The following NRXN1 variants were observed in gnomAD, a reference collection of about 807,000 sequenced individuals.
NRXN1 encodes neurexin 1.
In NRXN1, 39 loss-of-function variants were observed where a neutral mutation model predicts 150.9. The ratio of observed to expected loss-of-function variants is 0.26; its 90% CI spans 0.20 to 0.34. NRXN1 has a LOEUF of 0.34. Ranked by LOEUF, NRXN1 falls within the 10% of genes least tolerant of loss-of-function variation. The pLI is 1.00. For missense variants in NRXN1, 1,815 were observed against 1,949.9 expected (o/e 0.93, Z 1.30); for synonymous variants, 924 against 757.0 (o/e 1.22, Z -3.62).
At chr2:50,537,510 C>G (rs2093289832) in intron 10 of NRXN1, among the ~76,000 whole-genome samples, 1 of 151,904 alleles carries the variant, frequency 6.6e-6, no homozygotes. Context: ...ATCCTCATTC[C>G]TTTTATTGTA....
At chr2:49,942,654 G>A (rs993622168) in intron 22 of NRXN1, among the ~76,000 whole-genome samples, 2 of 151,590 alleles carry the variant, frequency 1.3e-5, no homozygotes, top group African/African-American at 4.8e-5. Flanking sequence ...CTGTCACCCA[G>A]GCTGAAGTGC....
intron 21 of NRXN1, among the ~76,000 whole-genome samples, chr2:50,005,698 T>G (rs922627168): frequency 9.2e-5 from 14 of 152,156 alleles, no homozygotes; most frequent in African/African-American, 2.9e-4. Context: ...TATAGAGTTT[T>G]TAATATTCTC....
chr2:50,445,877 C>G (rs895752913), intron 17 of NRXN1, among the ~76,000 whole-genome samples: 11 of 152,152 alleles, frequency 7.2e-5, no homozygotes, highest in African/African-American at 2.7e-4. Context: ...ATCCCCTACT[C>G]TTTGTCCATT....
chr2:50,019,947 C>CAA lies in NRXN1; in HGVS notation c.4128+33322_4128+33323dup, dbSNP rs1161865745. ...TGGGTGACAAAGCAAGACTCCGTCT[C>CAA]AAAAAAAAAAAAAAAAAAAAAAAAA... On this transcript the variant is annotated intron_variant, in intron 21 of 22. Transcript: ENST00000401669. 2.2e-3 allele frequency among the ~76,000 whole-genome samples: 94 copies of CAA among 43,206 alleles called. 4 individuals carry two copies. Among genetic ancestry groups the CAA allele is most frequent in the African/African-American group, 2.5e-3 (34 of 13,450 alleles). 28.3% of individuals were successfully genotyped at this position (43,206 alleles called of 152,430 possible).
rs1195873964 is a variant in NRXN1 at position 50,347,472 on chromosome 2, C to T, written c.3365-110502G>A. On this transcript the variant is annotated intron_variant, in intron 17 of 22. Coordinates refer to ENST00000401669, the MANE Select transcript of NRXN1 (RefSeq NM_001330078.2). This position sits in a 1 kb window ranked among gnomAD's most constrained non-coding sequence, Gnocchi z 4.9. ...CCTCCTTTCAAGACAGAAGCAGACC[C>T]CATGGAATCCAGGCGCCCCTTCCCT... 1 of 1,078,500 alleles carries T rather than the reference C, an allele frequency of 9.3e-7. No homozygotes were observed. The highest frequency in any genetic ancestry group is 1.1e-6 in the Non-Finnish European group (1 of 884,170). The allele number at this position is 1,078,500 out of a possible 1,614,324, so 66.8% of individuals were successfully genotyped here.
chr2:50,931,031 T>C (rs1170488027), intron 2 of NRXN1, among the ~76,000 whole-genome samples: 2 of 152,170 alleles, frequency 1.3e-5, no homozygotes, highest in Non-Finnish European at 2.9e-5. Context: ...CTAGTGGTTA[T>C]GTGGTTTTGA....
chr2:50,566,686 C>T (rs927403141), intron 8 of NRXN1, among the ~76,000 whole-genome samples: 1 of 152,130 alleles, frequency 6.6e-6, no homozygotes, highest in Non-Finnish European at 1.5e-5. Context: ...TATCTCCATA[C>T]TAAAGCTCAG....
chr2:50,116,707 C>A (rs1030649686), intron 18 of NRXN1, among the ~76,000 whole-genome samples: 3 of 152,122 alleles, frequency 2.0e-5, no homozygotes, highest in Non-Finnish European at 4.4e-5. Context: ...TTCCCCAACA[C>A]AGCTCTGTGA....
At chr2:50,802,030 T>A (rs2105698792) in intron 5 of NRXN1, among the ~76,000 whole-genome samples, 1 of 152,258 alleles carries the variant, frequency 6.6e-6, no homozygotes, top group Non-Finnish European at 1.5e-5. Context: ...TTTGATAGTT[T>A]AATATTTCTG....
intron 18 of NRXN1, among the ~76,000 whole-genome samples, chr2:50,226,832 T>C (rs896967071): frequency 6.6e-6 from 1 of 151,994 alleles, no homozygotes; most frequent in Non-Finnish European, 1.5e-5. Context: ...GCTTCTGATA[T>C]TGCCTTTAAC....
rs9789775 is a variant in NRXN1 at position 50,177,833 on chromosome 2, C to T, written c.3546+58956G>A. On this transcript the variant is annotated intron_variant, in intron 18 of 22. Transcript: ENST00000401669. ...TCTCCTCCTCTCCCTCCCTCCCTCC[C>T]TCTCTGTCACACACAAAAACACACA... Among the ~76,000 whole-genome samples, 3 of 146,500 alleles carry T rather than the reference C, an allele frequency of 2.0e-5. No homozygotes were observed. In the East Asian group the frequency reaches 6.8e-4, roughly 33 times the overall value.
chr2:50,028,657 G>A (rs1291920381), intron 21 of NRXN1, among the ~76,000 whole-genome samples: 1 of 152,232 alleles, frequency 6.6e-6, no homozygotes, highest in Non-Finnish European at 1.5e-5. Context: ...TGCCTGGCAG[G>A]TAGTCAGTAT....
At chr2:50,682,496 A>T (rs1690551157) in intron 5 of NRXN1, among the ~76,000 whole-genome samples, 1 of 152,170 alleles carries the variant, frequency 6.6e-6, no homozygotes, top group Non-Finnish European at 1.5e-5. Context: ...AGGAAAATCT[A>T]CTAGGAGCAT....
chr2:50,075,304 TA>T (rs1696917073), intron 19 of NRXN1, among the ~76,000 whole-genome samples: 1 of 152,146 alleles, frequency 6.6e-6, no homozygotes, highest in African/African-American at 2.4e-5. Flanking sequence ...TTTAAAAAGA[TA>T]AACATCTTGG....
intron 2 of NRXN1, among the ~76,000 whole-genome samples, chr2:51,006,411 G>A (rs1158488227): frequency 6.6e-6 from 1 of 151,654 alleles, no homozygotes; most frequent in East Asian, 2.0e-4. Context: ...GGGGGAAGGG[G>A]GGAGGGATAG....
intron 11 of NRXN1, 130 bp downstream of exon 11, chr2:50,531,097 T>TAA: frequency 1.5e-6 from 1 of 657,554 alleles, no homozygotes; most frequent in Non-Finnish European, 2.6e-6. Context: ...CAAATTACTT[T>TAA]AAATGATGGA....
In NRXN1 at chr2:49,921,221, G is replaced by A. The variant is rs767602157; in HGVS notation, c.*723C>T. 2 of 152,498 alleles carry A rather than the reference G, an allele frequency of 1.3e-5. No homozygotes were observed. Among genetic ancestry groups the A allele is most frequent in the East Asian group, 1.9e-4 (1 of 5,178 alleles). 9.4% of individuals were successfully genotyped at this position (152,498 alleles called of 1,614,324 possible). Reference sequence around the variant, plus strand: ...AAACATATGTAATAACATAATAAGCGTGCATGAAAATTTCCCAATGATTGC... The same window carrying A: ...AAACATATGTAATAACATAATAAGCATGCATGAAAATTTCCCAATGATTGC... On this transcript the variant is annotated 3_prime_UTR_variant, in exon 23 of 23. Coordinates refer to ENST00000401669, the MANE Select transcript of NRXN1 (RefSeq NM_001330078.2).
At chr2:50,258,736 T>C (rs1372811658) in intron 17 of NRXN1, among the ~76,000 whole-genome samples, 1 of 152,054 alleles carries the variant, frequency 6.6e-6, no homozygotes, top group Admixed American at 6.6e-5. Flanking sequence ...GTTATAACTT[T>C]ATAAAATGTA....
intron 10 of NRXN1, among the ~76,000 whole-genome samples, chr2:50,532,124 C>T (rs1294050241): frequency 6.6e-6 from 1 of 152,038 alleles, no homozygotes; most frequent in East Asian, 1.9e-4. Context: ...GGAACCTGTG[C>T]CCAGCCTCCA....
Sources: gnomAD v4.1 joint callset for allele counts (sites outside exome capture counted in the v4.1 genomes callset) on GRCh38, gnomAD v4.1.1 for gene constraint, Gnocchi (gnomAD v3.1) non-coding constraint, MANE v1.5 for transcripts, NCBI Gene and HGNC (gene_info 2026-07-23, HGNC 2026-07-21) for gene names.